EYS: variants seen among roughly 807,000 people sequenced by gnomAD.
EYS encodes EGF-like photoreceptor maintenance factor.
EYS carries 250 observed loss-of-function variants against 282.1 expected under a neutral mutation model. The ratio of observed to expected loss-of-function variants is 0.89; its 90% CI spans 0.80 to 0.98. The LOEUF is 0.98. Among genes scored for constraint, EYS ranks in the 50% least tolerant of loss-of-function variants. EYS has a pLI of 0.00. For missense variants in EYS, 4,016 were observed against 3,709.0 expected (o/e 1.08, Z -2.15); for synonymous variants, 1,355 against 1,282.9 (o/e 1.06, Z -1.20).
chr6:64,882,902 A>C (rs1415836252), intron 19 of EYS, among the ~76,000 whole-genome samples: 3 of 151,516 alleles, frequency 2.0e-5, no homozygotes, highest in African/African-American at 7.3e-5. Context: ...AGAATTTCAC[A>C]AAACTATAAG....
intron 28 of EYS, among the ~76,000 whole-genome samples, chr6:64,414,532 A>T (rs1168179499): frequency 6.6e-6 from 1 of 152,190 alleles, no homozygotes; most frequent in Non-Finnish European, 1.5e-5. Flanking sequence ...AACATAGAAG[A>T]ATAGCAAAGT....
At chr6:63,839,250 T>C (rs2149696326) in intron 36 of EYS, among the ~76,000 whole-genome samples, 1 of 152,326 alleles carries the variant, frequency 6.6e-6, no homozygotes, top group East Asian at 1.9e-4. Flanking sequence ...TAATCACTAT[T>C]CTACTTTATA....
chr6:64,269,944 G>A (rs894126681), intron 30 of EYS, among the ~76,000 whole-genome samples: 1 of 150,968 alleles, frequency 6.6e-6, no homozygotes, highest in Admixed American at 6.6e-5. Context: ...AAAAAGCTCT[G>A]TTATAATTCT....
In EYS at chr6:65,296,031, G is replaced by A. The variant is rs1394322687; in HGVS notation, c.1855C>T (p.Leu619Phe). The change falls in exon 12 of 43, where the codon CTC (leucine) becomes TTC (phenylalanine). Residue 619 changes from leucine (L) to phenylalanine (F), a missense_variant. Coordinates refer to ENST00000503581, the MANE Select transcript of EYS (RefSeq NM_001142800.2). ...LGNHSISVHG[L>F]CLALSHNCNC... ...CAATTGTGCGAAAGGGCCAGGCAGA[G>A]GCCATGCACTGATATACTGTGGTTC... 2.6e-6 allele frequency: 4 copies of A among 1,550,962 alleles called. No homozygotes were observed. The highest frequency in any genetic ancestry group is 3.9e-5 in the Admixed American group (2 of 50,920).
chr6:64,388,339 T>A (rs1285432421), intron 29 of EYS, among the ~76,000 whole-genome samples: 1 of 152,128 alleles, frequency 6.6e-6, no homozygotes, highest in African/African-American at 2.4e-5. Context: ...ATTTTTGGTG[T>A]GTTATTAAGT....
intron 33 of EYS, among the ~76,000 whole-genome samples, chr6:64,010,557 T>A (rs551419454): frequency 1.3e-5 from 2 of 152,218 alleles, no homozygotes; most frequent in Non-Finnish European, 2.9e-5. Flanking sequence ...CTAGAATGAT[T>A]CCTGTTCCAT....
At chr6:63,806,934 A>C (rs1770922627) in intron 36 of EYS, 1 of 152,194 alleles carries the variant, frequency 6.6e-6, no homozygotes, top group African/African-American at 2.4e-5. Context: ...GTCTAAAAGA[A>C]ATGTTCATTA....
At chr6:65,081,838 G>C (rs1774237780) in intron 12 of EYS, among the ~76,000 whole-genome samples, 1 of 151,928 alleles carries the variant, frequency 6.6e-6, no homozygotes, top group Admixed American at 6.6e-5. Flanking sequence ...ACTTCAATTT[G>C]ACATTTTGTG....
chr6:64,481,474 G>C (rs1776436327), intron 26 of EYS, among the ~76,000 whole-genome samples: 1 of 149,280 alleles, frequency 6.7e-6, no homozygotes, highest in Non-Finnish European at 1.5e-5. Flanking sequence ...TGATCATTTT[G>C]AATTTCTCTG....
chr6:64,471,382 A>G (rs1776117478), intron 26 of EYS, among the ~76,000 whole-genome samples: 1 of 152,158 alleles, frequency 6.6e-6, no homozygotes, highest in South Asian at 2.1e-4. Flanking sequence ...ATTGATTTAA[A>G]AAGTTCAGTA....
chr6:64,332,670 T>C (rs1011045634), intron 29 of EYS, among the ~76,000 whole-genome samples: 5 of 152,252 alleles, frequency 3.3e-5, no homozygotes, highest in Admixed American at 6.5e-5. Flanking sequence ...CAAGGGCAAC[T>C]GCCCTGCTCC....
chr6:64,214,300 G>T (rs1765865098), intron 31 of EYS, among the ~76,000 whole-genome samples: 1 of 152,038 alleles, frequency 6.6e-6, no homozygotes, highest in African/African-American at 2.4e-5. Flanking sequence ...TGGCTCTTTT[G>T]CATTTTCTGC....
intron 35 of EYS, among the ~76,000 whole-genome samples, chr6:63,880,549 C>A (rs947240186): frequency 4.2e-5 from 6 of 143,102 alleles, no homozygotes; most frequent in Non-Finnish European, 9.4e-5. Context: ...TTTATGGAAA[C>A]CTGACTAATT....
At chr6:64,675,428 CTT>C (rs56346431) in intron 22 of EYS, among the ~76,000 whole-genome samples, 4 of 114,618 alleles carry the variant, frequency 3.5e-5, no homozygotes, top group Non-Finnish European at 5.0e-5. Flanking sequence ...CTTTTTTTTT[CTT>C]TTTTTTTTTT....
intron 12 of EYS, among the ~76,000 whole-genome samples, chr6:65,250,100 T>C (rs1438920311): frequency 2.0e-5 from 3 of 151,994 alleles, no homozygotes; most frequent in African/African-American, 2.4e-5. Flanking sequence ...GTGGAATATG[T>C]GGAAAATATT....
intron 22 of EYS, among the ~76,000 whole-genome samples, chr6:64,698,407 A>T (rs963122501): frequency 1.3e-5 from 2 of 152,074 alleles, no homozygotes; most frequent in Non-Finnish European, 2.9e-5. Context: ...AAAATAAACA[A>T]AATTAAAAGA....
chr6:64,181,309 G>T (rs1764781855), intron 31 of EYS, among the ~76,000 whole-genome samples: 1 of 151,960 alleles, frequency 6.6e-6, no homozygotes, highest in Non-Finnish European at 1.5e-5. Flanking sequence ...TTGCAATAAA[G>T]AATTCCTTCA....
At chr6:64,207,996 G>C (rs920038905) in intron 31 of EYS, among the ~76,000 whole-genome samples, 7 of 152,120 alleles carry the variant, frequency 4.6e-5, no homozygotes, top group Admixed American at 1.3e-4. Flanking sequence ...TTATATAGCT[G>C]ATGCAAGCAT....
At chr6:64,432,310 A>G (rs985073748) in intron 28 of EYS, among the ~76,000 whole-genome samples, 1 of 151,970 alleles carries the variant, frequency 6.6e-6, no homozygotes, top group African/African-American at 2.4e-5. Context: ...AATTTTTTAA[A>G]ATTAATGGCA....
Sources: gnomAD v4.1 joint callset for allele counts (sites outside exome capture counted in the v4.1 genomes callset) on GRCh38, gnomAD v4.1.1 for gene constraint, MANE v1.5 for transcripts, NCBI Gene and HGNC (gene_info 2026-07-23, HGNC 2026-07-21) for gene names.